The following IGHMBP2 variants were observed in gnomAD, a reference collection of about 807,000 sequenced individuals.
The protein encoded by IGHMBP2 is DNA-binding protein SMUBP-2.
A neutral mutation model predicts 96.0 loss-of-function variants in IGHMBP2; 81 were observed. The ratio of observed to expected loss-of-function variants is 0.84; its 90% CI spans 0.71 to 1.01. The LOEUF is 1.01. Among genes scored for constraint, IGHMBP2 ranks in the 50% least tolerant of loss-of-function variants. The pLI is 0.00. For missense variants in IGHMBP2, 1,227 were observed against 1,306.3 expected, an observed-to-expected ratio of 0.94 and a Z score of 0.94; for synonymous variants, 557 against 548.9, an observed-to-expected ratio of 1.01 and a Z score of -0.21.
Position 68,927,996 on chromosome 11 carries a change from A to G in IGHMBP2, c.1061-1187A>G, listed in dbSNP as rs560421581. On this transcript the variant is annotated intron_variant, in intron 7 of 14. Coordinates refer to ENST00000255078, the MANE Select transcript of IGHMBP2 (RefSeq NM_002180.3). ...ATTCAGATGCTTTTCTGGAATGAAC[A>G]CTTCCCTGATTGCTGCAGCCTTTGG... Among the ~76,000 whole-genome samples, 12 of 152,286 alleles carry G rather than the reference A, an allele frequency of 7.9e-5. No individual in the cohort carries two copies. The East Asian group carries it at 2.3e-3, about 29-fold the overall frequency.
In IGHMBP2 at chr11:68,939,661, G is replaced by A. The variant is rs1471799706; in HGVS notation, c.2912G>A (p.Arg971Lys). ...CCAGCCAAGAGGGCCCAGCTGCAGA[G>A]GAGGCTGGATAAGAAGCTGAGTGAG... ...LDPAKRAQLQ[R>K]RLDKKLSELS... The change falls in exon 15 of 15, where the codon AGG becomes AAG. Residue 971 changes from arginine (R) to lysine (K), a missense_variant. Transcript: ENST00000255078. 3.7e-6 allele frequency: 6 copies of A among 1,613,194 alleles called. No homozygotes were observed. In the South Asian group the frequency reaches 6.6e-5, roughly 18 times the overall value.
chr11:68,914,813 C>T lies in IGHMBP2; in HGVS notation c.712-10C>T, dbSNP rs750936839. Reference sequence around the variant, plus strand: ...AAGTAAATGACCAGATCCTAACTTGCGGTTCCCAGGTTCTGTGCTGCGCCC... The same window carrying T: ...AAGTAAATGACCAGATCCTAACTTGTGGTTCCCAGGTTCTGTGCTGCGCCC... On this transcript the variant is annotated splice_polypyrimidine_tract_variant and intron_variant, in intron 5 of 14. Coordinates refer to ENST00000255078, the MANE Select transcript of IGHMBP2 (RefSeq NM_002180.3). 3.2e-5 allele frequency: 51 copies of T among 1,613,948 alleles called. No homozygotes were observed. The Admixed American group carries it at 4.5e-4, about 14-fold the overall frequency.
intron 6 of IGHMBP2, 116 bp downstream of exon 6, chr11:68,915,139 T>C: frequency 1.5e-6 from 1 of 655,744 alleles, no homozygotes; most frequent in East Asian, 2.9e-5. Flanking sequence ...TGTCGATTCC[T>C]TTAATAATTT....
intron 9 of IGHMBP2, 129 bp from the exon 10 acceptor site, chr11:68,933,666 A>T: frequency 1.0e-6 from 1 of 983,458 alleles, no homozygotes; most frequent in South Asian, 1.4e-5. Flanking sequence ...CTCCCTTCTG[A>T]TGTCCTGATG....
chr11:68,926,753 C>T (rs1307888556), intron 7 of IGHMBP2, among the ~76,000 whole-genome samples: 5 of 151,914 alleles, frequency 3.3e-5, no homozygotes, highest in African/African-American at 1.2e-4. Context: ...CTCTAGTATC[C>T]AGTTTATTTA....
intron 8 of IGHMBP2, chr11:68,929,847 G>A (rs940774459): frequency 1.0e-6 from 1 of 978,020 alleles, no homozygotes; most frequent in Non-Finnish European, 1.2e-6. Context: ...GGCCCAGGCT[G>A]TCCTGGTGGA....
intron 4 of IGHMBP2, among the ~76,000 whole-genome samples, chr11:68,910,619 C>G (rs1258337617): frequency 6.6e-6 from 1 of 152,186 alleles, no homozygotes; most frequent in Non-Finnish European, 1.5e-5. Flanking sequence ...CGCGGTGGCT[C>G]ACACCTTTAG....
At chr11:68,930,838 G>A (rs563634329) in intron 8 of IGHMBP2, among the ~76,000 whole-genome samples, 1 of 152,316 alleles carries the variant, frequency 6.6e-6, no homozygotes, top group South Asian at 2.1e-4. Context: ...CTGCAGGCAA[G>A]TCACTTGGAC....
chr11:68,931,251 G>A (rs1859285746), intron 8 of IGHMBP2, among the ~76,000 whole-genome samples: 1 of 152,168 alleles, frequency 6.6e-6, no homozygotes, highest in African/African-American at 2.4e-5. Context: ...GGGATGGTGT[G>A]GGGGTTGTCC....
At chr11:68,933,724 G>A (rs1195549005) in intron 9 of IGHMBP2, 71 bp from the exon 10 acceptor site, 6 of 1,246,438 alleles carry the variant, frequency 4.8e-6, no homozygotes, top group Non-Finnish European at 7.0e-6. Context: ...GGGAGGGGTC[G>A]GTTCTGTTGG....
At chr11:68,933,949 A>G in intron 10 of IGHMBP2, 36 bp downstream of exon 10, 2 of 1,339,006 alleles carry the variant, frequency 1.5e-6, no homozygotes, top group Non-Finnish European at 2.1e-6. Context: ...TTTTTTGTTT[A>G]AACATACCTC....
chr11:68,913,195 G>A (rs149090647), intron 5 of IGHMBP2, among the ~76,000 whole-genome samples: 206 of 152,226 alleles, frequency 1.4e-3, no homozygotes, highest in African/African-American at 4.7e-3. Context: ...TACGTCCAGC[G>A]GTTTTCCAAT....
chr11:68,937,050 G>T lies in IGHMBP2; in HGVS notation c.2570G>T (p.Gly857Val). The T allele has an allele frequency of 6.2e-7, 1 of 1,605,458 alleles. No homozygotes were observed. Residue 857 changes from glycine to valine, a missense_variant, in exon 13 of 15, where the codon GGG (glycine) becomes GTG (valine). Physicochemically the swap from Gly to Val is moderately radical, Grantham distance 109. Around this residue, in one of 3 missense-constraint regions of IGHMBP2, gnomAD observed 703 missense variants for 770.3 expected, o/e 0.91. Coordinates refer to ENST00000255078, the MANE Select transcript of IGHMBP2 (RefSeq NM_002180.3). ...GCCAGCAAGGAGCAGCAGGCCTCAG[G>T]GCAGCAGAAACTTCCAGAAAAGAAA... ...QPASKEQQAS[G>V]QQKLPEKKKK...
intron 7 of IGHMBP2, chr11:68,926,237 CT>C (rs556893961): frequency 3.5e-4 from 49 of 139,670 alleles, no homozygotes; most frequent in African/African-American, 1.3e-3. Flanking sequence ...AGTTATTGTA[CT>C]TTTCAACTCC....
intron 5 of IGHMBP2, among the ~76,000 whole-genome samples, chr11:68,911,998 G>C (rs1858456664): frequency 6.6e-6 from 1 of 152,266 alleles, no homozygotes; most frequent in Admixed American, 6.5e-5. Flanking sequence ...GTCTGGTTGA[G>C]GTGTTAACAG....
chr11:68,923,518 C>G lies in IGHMBP2; in HGVS notation c.1060+5635C>G, dbSNP rs116961016. 5.5e-3 allele frequency among the ~76,000 whole-genome samples: 833 copies of G among 152,210 alleles called. 6 individuals carry two copies. The highest frequency in any genetic ancestry group is 9.0e-3 in the Admixed American group (137 of 15,272). ...CCCAGTCTCCTATAATATTCTTGTG[C>G]TTGGTTTTGGGAAGCAGTAAAGTTA... On this transcript the variant is annotated intron_variant, in intron 7 of 14. Transcript: ENST00000255078.
At chr11:68,939,500 G>C in intron 14 of IGHMBP2, 34 bp from the exon 15 acceptor site, 1 of 1,609,988 alleles carries the variant, frequency 6.2e-7, no homozygotes, top group African/African-American at 1.3e-5. Flanking sequence ...CCTTGCCCCT[G>C]TGAGCCCAGC....
At chr11:68,904,803 C>CTTTTCTTTTTCTTT (rs892709461) in intron 1 of IGHMBP2, among the ~76,000 whole-genome samples, 3 of 120,996 alleles carry the variant, frequency 2.5e-5, no homozygotes, top group Non-Finnish European at 5.1e-5. Flanking sequence ...TTTTCTTTTT[C>CTTTTCTTTTTCTTT]TTTTTTTTTT....
intron 1 of IGHMBP2, among the ~76,000 whole-genome samples, chr11:68,905,178 A>C (rs1243989322): frequency 6.6e-6 from 1 of 152,212 alleles, no homozygotes; most frequent in Non-Finnish European, 1.5e-5. Context: ...CCGGGGTGAC[A>C]CAGTGTAGCC....
Sources: allele counts gnomAD v4.1 joint callset (sites outside exome capture counted in the v4.1 genomes callset), GRCh38; gene constraint gnomAD v4.1.1; regional missense constraint gnomAD v4.1.1; transcripts MANE v1.5; gene names NCBI Gene and HGNC (gene_info 2026-07-23, HGNC 2026-07-21).